The following CHN2 variants were observed in gnomAD, a reference collection of about 807,000 sequenced individuals.
CHN2 encodes chimerin 2.
Under a neutral mutation model 56.3 loss-of-function variants are expected in CHN2, and 35 were observed. That is an observed-to-expected ratio of 0.62 (90% CI 0.47 to 0.82). The LOEUF (loss-of-function observed/expected upper bound fraction) is 0.82, where lower values mean the gene tolerates loss of function less well. CHN2 is among the 40% of genes least tolerant of loss of function. The pLI, the probability that CHN2 is intolerant of heterozygous loss-of-function variation, is 0.00. For missense variants in CHN2, 491 were observed against 580.5 expected (o/e 0.85, Z 1.58); for synonymous variants, 210 against 212.8 (o/e 0.99, Z 0.12).
intron 6 of CHN2, among the ~76,000 whole-genome samples, chr7:29,407,571 A>G (rs1369465674): frequency 1.3e-5 from 2 of 152,172 alleles, no homozygotes; most frequent in Non-Finnish European, 2.9e-5. Context: ...TAACTGACAT[A>G]CCCAGTCTTT....
chr7:29,408,333 C>G (rs1038612154), intron 6 of CHN2, among the ~76,000 whole-genome samples: 3 of 152,126 alleles, frequency 2.0e-5, no homozygotes, highest in African/African-American at 7.2e-5. Flanking sequence ...AAGTGCAGGG[C>G]TTGAGAACCT....
chr7:29,480,475 C>G, intron 7 of CHN2, 119 bp downstream of exon 7: 1 of 1,082,192 alleles, frequency 9.2e-7, no homozygotes, highest in South Asian at 1.5e-5. Flanking sequence ...CTTTGCTTTC[C>G]ACATTTAGCT....
chr7:29,217,770 A>T (rs958551206), intron 1 of CHN2, among the ~76,000 whole-genome samples: 1 of 152,172 alleles, frequency 6.6e-6, no homozygotes, highest in African/African-American at 2.4e-5. Context: ...TGAATAAAAG[A>T]TACGTATCTG....
chr7:29,320,502 C>G (rs572467002), intron 1 of CHN2, among the ~76,000 whole-genome samples: 1 of 152,244 alleles, frequency 6.6e-6, no homozygotes, highest in African/African-American at 2.4e-5. Flanking sequence ...ATAAAAAATT[C>G]TCTTTATGGA....
At chr7:29,251,247 G>A (rs1197567031) in intron 1 of CHN2, among the ~76,000 whole-genome samples, 1 of 152,162 alleles carries the variant, frequency 6.6e-6, no homozygotes, top group African/African-American at 2.4e-5. Context: ...GAGCCCAGCA[G>A]TTCGAGATCA....
chr7:29,354,078 C>T (rs567519158), intron 1 of CHN2, among the ~76,000 whole-genome samples: 11 of 152,336 alleles, frequency 7.2e-5, no homozygotes, highest in Admixed American at 5.2e-4. Context: ...TTCTAAGTCA[C>T]ACGTTGGAGT....
chr7:29,213,357 A>G (rs997349069), intron 1 of CHN2: 2 of 642,956 alleles, frequency 3.1e-6, no homozygotes, highest in Non-Finnish European at 5.6e-6. Context: ...AGTCAATTTG[A>G]TGGAGGATAC....
intron 6 of CHN2, among the ~76,000 whole-genome samples, chr7:29,468,038 G>A (rs1021149139): frequency 6.6e-6 from 1 of 151,398 alleles, no homozygotes; most frequent in Non-Finnish European, 1.5e-5. Flanking sequence ...TTGATAACAT[G>A]TCGGGGAGTA....
intron 6 of CHN2, among the ~76,000 whole-genome samples, chr7:29,416,574 G>A (rs1231232407): frequency 6.6e-6 from 1 of 152,134 alleles, no homozygotes; most frequent in African/African-American, 2.4e-5. Context: ...CTCTCCCATC[G>A]TTTCTAGTAC....
chr7:29,321,280 G>A (rs1376725714), intron 1 of CHN2, among the ~76,000 whole-genome samples: 1 of 152,150 alleles, frequency 6.6e-6, no homozygotes, highest in Non-Finnish European at 1.5e-5. Flanking sequence ...CATGCTAAGA[G>A]CTTGCTGTGC....
intron 1 of CHN2, among the ~76,000 whole-genome samples, chr7:29,328,622 CTT>C (rs554215741): frequency 6.6e-6 from 1 of 151,316 alleles, no homozygotes. Flanking sequence ...AACCTTCACT[CTT>C]TTATTACCAT....
intron 1 of CHN2, among the ~76,000 whole-genome samples, chr7:29,282,337 G>A (rs965844752): frequency 2.0e-5 from 3 of 152,218 alleles, no homozygotes; most frequent in Non-Finnish European, 1.5e-5. Flanking sequence ...GTACAGTGCT[G>A]AAATGTGTCA....
chr7:29,218,754 G>A (rs1785535546), intron 1 of CHN2, among the ~76,000 whole-genome samples: 1 of 145,580 alleles, frequency 6.9e-6, no homozygotes, highest in African/African-American at 2.6e-5. Flanking sequence ...ATTGAACAAT[G>A]AGAACACATG....
At chr7:29,429,247 T>A (rs182674539) in intron 6 of CHN2, among the ~76,000 whole-genome samples, 73 of 152,318 alleles carry the variant, frequency 4.8e-4, no homozygotes, top group African/African-American at 1.5e-3. Context: ...TTTGCCCTAG[T>A]CATTTGGAAG....
intron 4 of CHN2, among the ~76,000 whole-genome samples, chr7:29,395,265 G>A (rs1448200342): frequency 1.3e-5 from 2 of 152,228 alleles, no homozygotes; most frequent in Non-Finnish European, 2.9e-5. Flanking sequence ...GCTCACGCCT[G>A]TAGTCCCAGC....
chr7:29,314,545 A>G (rs950840663), intron 1 of CHN2, among the ~76,000 whole-genome samples: 2 of 152,244 alleles, frequency 1.3e-5, no homozygotes, highest in African/African-American at 2.4e-5. Flanking sequence ...TTTTGTCACA[A>G]TGAAAAATAA....
upstream of CHN2, chr7:29,191,607 T>C (rs544634037): frequency 1.3e-5 from 2 of 152,352 alleles, no homozygotes; most frequent in African/African-American, 4.8e-5. Context: ...TTTTTATTCT[T>C]AAGAAGCCCA....
chr7:29,285,911 C>T (rs1792104066), intron 1 of CHN2, among the ~76,000 whole-genome samples: 1 of 152,156 alleles, frequency 6.6e-6, no homozygotes, highest in Non-Finnish European at 1.5e-5. Context: ...ATGACTATTC[C>T]CAGTGTTTGG....
chr7:29,352,424 C>T (rs935253089), intron 1 of CHN2, among the ~76,000 whole-genome samples: 1 of 151,872 alleles, frequency 6.6e-6, no homozygotes, highest in Non-Finnish European at 1.5e-5. Flanking sequence ...ATGCCTTCAA[C>T]ATTTTAACAT....
Sources: allele counts gnomAD v4.1 joint callset (sites outside exome capture counted in the v4.1 genomes callset), GRCh38; gene constraint gnomAD v4.1.1; transcripts MANE v1.5; gene names NCBI Gene and HGNC (gene_info 2026-07-23, HGNC 2026-07-21).